DENND2B: variants seen among roughly 807,000 people sequenced by gnomAD.
DENND2B encodes DENN domain containing 2B.
In DENND2B, 32 loss-of-function variants were observed where a neutral mutation model predicts 116.0. That is an observed-to-expected ratio of 0.28 (90% confidence interval 0.21 to 0.37). DENND2B has a LOEUF of 0.37. Ranked by LOEUF, DENND2B falls within the 10% of genes least tolerant of loss-of-function variation. DENND2B has a pLI of 1.00. For synonymous variants in DENND2B, 588 were observed against 583.9 expected (o/e 1.01, Z -0.10); for missense variants, 1,276 against 1,477.7 (o/e 0.86, Z 2.24).
At chr11:8,768,224 C>T (rs1218145941) in intron 1 of DENND2B, among the ~76,000 whole-genome samples, 1 of 151,964 alleles carries the variant, frequency 6.6e-6, no homozygotes, top group East Asian at 1.9e-4. Flanking sequence ...TATGACCTCA[C>T]TTCCCTCAAG....
intron 1 of DENND2B, among the ~76,000 whole-genome samples, chr11:8,783,705 G>A (rs1263836603): frequency 1.3e-5 from 2 of 152,072 alleles, no homozygotes; most frequent in Non-Finnish European, 2.9e-5. Context: ...TTAATTTCAC[G>A]CAAAAAGAAA....
At chr11:8,873,836 A>T (rs1039919079), upstream of DENND2B, among the ~76,000 whole-genome samples, 6 of 152,236 alleles carry the variant, frequency 3.9e-5, no homozygotes, top group African/African-American at 1.2e-4. Context: ...GAGACATGTG[A>T]CTTATAAACA....
rs1400222398 is a variant in DENND2B, at chr11:8,730,219, A to C, written c.1071T>G (p.Ser357Arg). ...CAGGGGTCCCGGGCTTAGTGGAACC[A>C]CTGCCTTCCCTCTCTGGGGGTGGGC... The part of the protein sequence containing the change: ...EAGPPPEREG[S>R]GSTKPGTPGN... The change falls in exon 3 of 20, where the codon AGT (serine) becomes AGG (arginine). Residue 357 changes from serine to arginine, a missense_variant. Ser to Arg is a moderately radical substitution (Grantham distance 110). Around this residue, in one of 2 missense-constraint regions of DENND2B, gnomAD observed 856 missense variants for 846.6 expected, o/e 1.01. Transcript: ENST00000313726. The surrounding 1 kb of genome is among the most constrained non-coding windows in gnomAD (Gnocchi z 4.1). The C allele has an allele frequency of 1.3e-5, 21 of 1,613,048 alleles. No homozygotes were observed. Among genetic ancestry groups the C allele is most frequent in the Non-Finnish European group, 1.8e-5 (21 of 1,179,532 alleles).
chr11:8,833,671 G>C lies in DENND2B; in HGVS notation c.-115+5639C>G, dbSNP rs1007671326. Among the ~76,000 whole-genome samples, 3 of 152,126 alleles carry C rather than the reference G, an allele frequency of 2.0e-5. No individual in the cohort carries two copies. In the East Asian group the frequency reaches 5.8e-4, roughly 29 times the overall value. ...ATGGTTTTTCCCAAGCAAAGACCTT[G>C]GCTGCGAATAGGATTAAGGGTGGCT... On this transcript the variant is annotated intron_variant, in intron 4 of 6. Coordinates refer to the DENND2B transcript ENST00000524757.
intron 9 of DENND2B, chr11:8,711,887 T>A (rs1388247299): frequency 2.6e-6 from 1 of 389,264 alleles, no homozygotes; most frequent in Non-Finnish European, 5.2e-6. Flanking sequence ...AATAAAATAA[T>A]AAGCAGGGTT....
At chr11:8,869,824 G>T (rs187577863) in intron 2 of DENND2B, among the ~76,000 whole-genome samples, 7 of 152,004 alleles carry the variant, frequency 4.6e-5, no homozygotes, top group Non-Finnish European at 8.8e-5. Context: ...GGCCTTGTGC[G>T]GTCCTTAATT....
At chr11:8,803,498 C>A (rs970329756) in intron 1 of DENND2B, among the ~76,000 whole-genome samples, 1 of 152,198 alleles carries the variant, frequency 6.6e-6, no homozygotes, top group Admixed American at 6.5e-5. Flanking sequence ...GATCACCCAG[C>A]AAATTAGAGA....
chr11:8,750,244 G>T (rs1330240056), intron 2 of DENND2B, among the ~76,000 whole-genome samples: 1 of 152,054 alleles, frequency 6.6e-6, no homozygotes, highest in African/African-American at 2.4e-5. Flanking sequence ...GTGCTAATAT[G>T]CGTAACTGCC....
At chr11:8,699,186 C>A (rs202201775) in intron 15 of DENND2B, 27 bp downstream of exon 15, 1 of 1,540,540 alleles carries the variant, frequency 6.5e-7, no homozygotes, top group African/African-American at 1.4e-5. Flanking sequence ...CCACCCTTCC[C>A]CCCAGCTGGT....
chr11:8,760,703 T>C (rs921088957), intron 1 of DENND2B, among the ~76,000 whole-genome samples: 2 of 152,178 alleles, frequency 1.3e-5, no homozygotes, highest in Non-Finnish European at 2.9e-5. Context: ...AGTAAACCCT[T>C]TTCTCCTTCA....
At chr11:8,796,409 TG>T (rs2059818088) in intron 1 of DENND2B, among the ~76,000 whole-genome samples, 1 of 152,124 alleles carries the variant, frequency 6.6e-6, no homozygotes, top group Non-Finnish European at 1.5e-5. Context: ...CATGGTGGCG[TG>T]TGCCTGTAAT....
intron 2 of DENND2B, among the ~76,000 whole-genome samples, chr11:8,868,314 C>G (rs941708793): frequency 1.3e-5 from 2 of 152,240 alleles, no homozygotes; most frequent in Non-Finnish European, 2.9e-5. Flanking sequence ...TGTCACATTC[C>G]TGTACATAGA....
chr11:8,770,718 G>A (rs774103609), intron 1 of DENND2B, among the ~76,000 whole-genome samples: 2 of 152,016 alleles, frequency 1.3e-5, no homozygotes, highest in African/African-American at 4.8e-5. Flanking sequence ...TATGAGCAGG[G>A]TCTTGCTCTG....
intron 2 of DENND2B, among the ~76,000 whole-genome samples, chr11:8,741,738 C>A (rs1236419378): frequency 1.3e-5 from 2 of 152,106 alleles, no homozygotes; most frequent in Non-Finnish European, 2.9e-5. Flanking sequence ...AGGAGCAAGC[C>A]CAGGCCACGT....
intron 2 of DENND2B, among the ~76,000 whole-genome samples, chr11:8,879,089 T>A (rs1446521552): frequency 2.0e-5 from 3 of 152,258 alleles, no homozygotes; most frequent in Admixed American, 2.0e-4. Flanking sequence ...CTCACTGTTA[T>A]ACTTCCCAGT....
intron 3 of DENND2B, among the ~76,000 whole-genome samples, chr11:8,854,927 G>T (rs1377071896): frequency 6.6e-6 from 1 of 152,028 alleles, no homozygotes; most frequent in Admixed American, 6.6e-5. Context: ...GGTCAGACTA[G>T]TCTCAAACTC....
intron 4 of DENND2B, chr11:8,718,259 G>T: frequency 8.6e-7 from 1 of 1,156,080 alleles, no homozygotes; most frequent in Non-Finnish European, 1.2e-6. Context: ...TCCCTCTGCT[G>T]CAAACACCCC....
At chr11:8,830,072 C>T (rs2062144225) in intron 4 of DENND2B, among the ~76,000 whole-genome samples, 1 of 152,176 alleles carries the variant, frequency 6.6e-6, no homozygotes, top group Non-Finnish European at 1.5e-5. Context: ...CTTTAGCAGG[C>T]CTCCTCACTG....
At chr11:8,852,927 A>G (rs1208681390) in intron 3 of DENND2B, among the ~76,000 whole-genome samples, 1 of 152,212 alleles carries the variant, frequency 6.6e-6, no homozygotes, top group African/African-American at 2.4e-5. Flanking sequence ...ATAAGCTTTT[A>G]TGAGTGTGAC....
Sources: allele counts gnomAD v4.1 joint callset (sites outside exome capture counted in the v4.1 genomes callset), GRCh38; gene constraint gnomAD v4.1.1; regional missense constraint gnomAD v4.1.1; non-coding constraint Gnocchi (gnomAD v3.1); transcripts MANE v1.5; gene names NCBI Gene and HGNC (gene_info 2026-07-23, HGNC 2026-07-21).